Variants in RGS6 observed in about 807,000 individuals in gnomAD.
The protein encoded by RGS6 is regulator of G-protein signaling 6.
In RGS6, 30 loss-of-function variants were observed where a neutral mutation model predicts 78.5. That is an observed-to-expected ratio of 0.38 (90% CI 0.29 to 0.52). The LOEUF is 0.52. Ranked by LOEUF, RGS6 falls within the 20% of genes least tolerant of loss-of-function variation. The pLI is 0.85. For synonymous variants in RGS6, 206 were observed against 206.0 expected, an observed-to-expected ratio of 1.00 and a Z score of 0.00; for missense variants, 495 against 609.7, an observed-to-expected ratio of 0.81 and a Z score of 1.98.
chr14:72,345,628 A>C (rs192724777), intron 2 of RGS6, among the ~76,000 whole-genome samples: 1 of 152,316 alleles, frequency 6.6e-6, no homozygotes, highest in East Asian at 1.9e-4. Flanking sequence ...TCTTAGCTTC[A>C]GCCTCCAACA....
intron 2 of RGS6, among the ~76,000 whole-genome samples, chr14:72,203,947 C>G (rs1174133808): frequency 6.6e-6 from 1 of 151,402 alleles, no homozygotes; most frequent in African/African-American, 2.4e-5. Context: ...GCCTCAGCCT[C>G]CCAAGTAGCT....
chr14:72,601,951 G>A, the RGS6 span, among the ~76,000 whole-genome samples: 1 of 152,202 alleles, frequency 6.6e-6, no homozygotes, highest in East Asian at 1.9e-4. Context: ...GTGTCTGGGG[G>A]CGCTTGTGGC....
chr14:72,064,807 C>T (rs2094061010), intron 2 of RGS6, among the ~76,000 whole-genome samples: 1 of 152,138 alleles, frequency 6.6e-6, no homozygotes. Flanking sequence ...AATCTCTCTA[C>T]TGTTTATCAT....
the RGS6 span, among the ~76,000 whole-genome samples, chr14:71,871,542 A>C: frequency 6.6e-6 from 1 of 151,376 alleles, no homozygotes; most frequent in African/African-American, 2.4e-5. Context: ...CAAAAAGCTG[A>C]CTCCCTAAAT....
At chr14:72,421,087 GA>G (rs2094150665) in intron 3 of RGS6, 1 of 37,512 alleles carries the variant, frequency 2.7e-5, no homozygotes, top group African/African-American at 2.0e-4. Context: ...GACGCAGCTA[GA>G]TTTTTTTTTT....
intron 1 of RGS6, among the ~76,000 whole-genome samples, chr14:71,956,398 G>A (rs2153018401): frequency 6.6e-6 from 1 of 151,380 alleles, no homozygotes; most frequent in East Asian, 1.9e-4. Flanking sequence ...ATATATAACA[G>A]TGTGTGTGTG....
the RGS6 span, among the ~76,000 whole-genome samples, chr14:71,894,323 G>T: frequency 2.6e-5 from 4 of 152,198 alleles, no homozygotes; most frequent in African/African-American, 9.7e-5. Flanking sequence ...AATATCTGGA[G>T]AACAAAGACA....
chr14:72,402,225 A>T (rs2092481882), intron 3 of RGS6, among the ~76,000 whole-genome samples: 1 of 152,202 alleles, frequency 6.6e-6, no homozygotes, highest in Admixed American at 6.5e-5. Flanking sequence ...CAGCGTACAG[A>T]AAGGTAGTGT....
chr14:71,948,507 C>T (rs2091865872), intron 1 of RGS6, among the ~76,000 whole-genome samples: 1 of 152,200 alleles, frequency 6.6e-6, no homozygotes, highest in Non-Finnish European at 1.5e-5. Context: ...TTTATTTGCA[C>T]TATTCTTTTT....
intron 2 of RGS6, among the ~76,000 whole-genome samples, chr14:72,349,057 C>G (rs1439158294): frequency 6.6e-6 from 1 of 152,132 alleles, no homozygotes; most frequent in Non-Finnish European, 1.5e-5. Context: ...TCCCCAGCTA[C>G]TCAGGAAGCT....
chr14:72,074,331 G>T (rs1181260008), intron 2 of RGS6, among the ~76,000 whole-genome samples: 3 of 152,128 alleles, frequency 2.0e-5, no homozygotes, highest in African/African-American at 7.2e-5. Context: ...GAGTAGCTGG[G>T]ACTATAGGTG....
chr14:72,004,510 A>T (rs1235173262), intron 2 of RGS6, among the ~76,000 whole-genome samples: 1 of 152,234 alleles, frequency 6.6e-6, no homozygotes, highest in African/African-American at 2.4e-5. Flanking sequence ...AATAATTGCT[A>T]TTGCTCAGTA....
At chr14:72,485,277 G>T (rs761988059) in intron 12 of RGS6, among the ~76,000 whole-genome samples, 2 of 152,084 alleles carry the variant, frequency 1.3e-5, no homozygotes, top group Admixed American at 6.5e-5. Flanking sequence ...CACACCCAGC[G>T]GTTGGAGGAC....
chr14:72,557,371 TC>T (rs767847272), intron 17 of RGS6, among the ~76,000 whole-genome samples: 6 of 152,186 alleles, frequency 3.9e-5, no homozygotes, highest in South Asian at 2.1e-4. Flanking sequence ...TTCTTTGCAT[TC>T]CCTTTTAAAA....
intron 2 of RGS6, among the ~76,000 whole-genome samples, chr14:72,212,695 C>A (rs938111559): frequency 6.6e-6 from 1 of 152,108 alleles, no homozygotes; most frequent in Non-Finnish European, 1.5e-5. Context: ...CAAGGAAATC[C>A]CCAAATCAGT....
At chr14:72,148,123 T>C (rs1299096463) in intron 2 of RGS6, among the ~76,000 whole-genome samples, 8 of 76,600 alleles carry the variant, frequency 1.0e-4, no homozygotes, top group African/African-American at 2.2e-4. Flanking sequence ...AGAGCAAGAC[T>C]CCATCTAAAA....
chr14:72,352,038 C>T (rs1386669983), intron 2 of RGS6, 57 bp from the exon 3 acceptor site: 2 of 1,319,370 alleles, frequency 1.5e-6, no homozygotes, highest in South Asian at 2.6e-5. Flanking sequence ...TAAAAAGGTA[C>T]CATTTATAAT....
downstream of RGS6, among the ~76,000 whole-genome samples, chr14:72,567,676 C>G (rs556994338): frequency 2.3e-4 from 35 of 152,348 alleles, no homozygotes; most frequent in Admixed American, 5.2e-4. Flanking sequence ...ATCCCAGCCT[C>G]TGAGGAACCA....
intron 1 of RGS6, among the ~76,000 whole-genome samples, chr14:71,959,419 ATTC>A (rs1490820889): frequency 3.3e-5 from 5 of 152,324 alleles, no homozygotes; most frequent in African/African-American, 1.2e-4. Context: ...TTCAACAGAA[ATTC>A]TTATTTGGCA....
Sources: allele counts gnomAD v4.1 joint callset (sites outside exome capture counted in the v4.1 genomes callset), GRCh38; gene constraint gnomAD v4.1.1; transcripts MANE v1.5; gene names NCBI Gene and HGNC (gene_info 2026-07-23, HGNC 2026-07-21).